Variants in RPS6KC1 observed in about 807,000 individuals in gnomAD.
RPS6KC1 encodes the protein ribosomal protein S6 kinase C1.
A neutral mutation model predicts 103.8 loss-of-function variants in RPS6KC1; 54 were observed. That is an observed-to-expected ratio of 0.52 (90% CI 0.42 to 0.65). RPS6KC1 has a LOEUF of 0.65. Ranked by LOEUF, RPS6KC1 falls within the 30% of genes least tolerant of loss-of-function variation. The pLI is 0.00. For synonymous variants in RPS6KC1, 439 were observed against 438.7 expected (o/e 1.00, Z -0.01); for missense variants, 1,151 against 1,253.8 (o/e 0.92, Z 1.24).
At chr1:213,328,761 C>T in the RPS6KC1 span, among the ~76,000 whole-genome samples, 8 of 151,890 alleles carry the variant, frequency 5.3e-5, no homozygotes, top group African/African-American at 1.5e-4. Flanking sequence ...TGCCTTATTA[C>T]AGACAGAGAA....
At chr1:213,380,276 C>T in the RPS6KC1 span, among the ~76,000 whole-genome samples, 1 of 151,984 alleles carries the variant, frequency 6.6e-6, no homozygotes, top group Non-Finnish European at 1.5e-5. Flanking sequence ...CTAAATGATG[C>T]GAACACATGG....
chr1:213,733,179 C>A, the RPS6KC1 span, among the ~76,000 whole-genome samples: 4 of 151,910 alleles, frequency 2.6e-5, no homozygotes, highest in Non-Finnish European at 4.4e-5. Flanking sequence ...GATGGCTGGA[C>A]CATATGGTAT....
chr1:213,153,048 G>T (rs1217297188), intron 6 of RPS6KC1, among the ~76,000 whole-genome samples: 68 of 148,974 alleles, frequency 4.6e-4, no homozygotes, highest in African/African-American at 6.9e-4. Context: ...GACCGGCCTG[G>T]CCAACACAGC....
the RPS6KC1 span, among the ~76,000 whole-genome samples, chr1:213,363,604 C>CGCTTGCTTGCTTGCTT: frequency 6.9e-4 from 59 of 85,142 alleles, 3 homozygotes; most frequent in Middle Eastern, 6.0e-3. Context: ...CTTGCTCGCT[C>CGCTTGCTTGCTTGCTT]GCTTGCTTGC....
At position 213,262,707 on chromosome 1, in the gene RPS6KC1, A is replaced by G. The variant is rs2149111002; in HGVS notation, c.2995-14A>G. 3 of 1,518,646 alleles carry G rather than the reference A, an allele frequency of 2.0e-6. No homozygotes were observed. Among genetic ancestry groups the G allele is most frequent in the East Asian group, 4.5e-5 (2 of 44,426 alleles). 94.1% of individuals were successfully genotyped at this position (1,518,646 alleles called of 1,614,324 possible). A position where few individuals can be genotyped will look rare whatever the true frequency, so the allele number is the denominator to read the frequency against. Reference sequence around the variant, plus strand: ...TTATTTGGGATAAGAAGTGTACCTGATTGATTGTTTCAGACTCTGGTTGAA... The same window carrying G: ...TTATTTGGGATAAGAAGTGTACCTGGTTGATTGTTTCAGACTCTGGTTGAA... On this transcript the variant is annotated splice_polypyrimidine_tract_variant and intron_variant, in intron 13 of 14. Coordinates refer to ENST00000366960, the MANE Select transcript of RPS6KC1 (RefSeq NM_012424.6).
At chr1:213,499,798 G>A in the RPS6KC1 span, among the ~76,000 whole-genome samples, 1 of 152,296 alleles carries the variant, frequency 6.6e-6, no homozygotes. Context: ...GCATGTTACT[G>A]TATTGAAAAG....
intron 3 of RPS6KC1, among the ~76,000 whole-genome samples, chr1:213,080,755 T>A (rs1215666621): frequency 6.6e-6 from 1 of 152,056 alleles, no homozygotes; most frequent in Non-Finnish European, 1.5e-5. Context: ...TGTAGCAACA[T>A]GTTTTCACCA....
At chr1:213,162,252 T>C (rs895391026) in intron 6 of RPS6KC1, among the ~76,000 whole-genome samples, 9 of 152,294 alleles carry the variant, frequency 5.9e-5, no homozygotes, top group African/African-American at 2.2e-4. Flanking sequence ...AAATAATTAT[T>C]TGGACAAGAG....
the RPS6KC1 span, among the ~76,000 whole-genome samples, chr1:213,687,464 T>G: frequency 6.6e-6 from 1 of 152,178 alleles, no homozygotes; most frequent in Non-Finnish European, 1.5e-5. Flanking sequence ...AACACCCCAC[T>G]TTTACCAGCA....
the RPS6KC1 span, among the ~76,000 whole-genome samples, chr1:213,803,560 C>T: frequency 2.0e-5 from 3 of 152,076 alleles, no homozygotes; most frequent in Admixed American, 6.6e-5. Flanking sequence ...AATGTAGTGG[C>T]TTTTATTCCA....
chr1:213,376,077 G>A, the RPS6KC1 span, among the ~76,000 whole-genome samples: 2 of 144,208 alleles, frequency 1.4e-5, no homozygotes, highest in Admixed American at 7.0e-5. Flanking sequence ...GGCTCTTCTC[G>A]TGACAACTGT....
chr1:213,088,827 CAG>C (rs746561833), intron 3 of RPS6KC1, among the ~76,000 whole-genome samples: 5 of 152,140 alleles, frequency 3.3e-5, no homozygotes, highest in Non-Finnish European at 7.3e-5. Flanking sequence ...CTACATGGAA[CAG>C]GGGTTTCTCC....
the RPS6KC1 span, among the ~76,000 whole-genome samples, chr1:213,792,980 T>C: frequency 2.0e-5 from 3 of 152,124 alleles, no homozygotes; most frequent in African/African-American, 7.2e-5. Context: ...TTGTCATTTG[T>C]TGATGAGAAA....
At chr1:213,745,594 C>G in the RPS6KC1 span, among the ~76,000 whole-genome samples, 1 of 151,982 alleles carries the variant, frequency 6.6e-6, no homozygotes, top group South Asian at 2.1e-4. Flanking sequence ...CTTGTCTGAG[C>G]GCCCAGCCCC....
intron 9 of RPS6KC1, among the ~76,000 whole-genome samples, 163 bp from the exon 10 acceptor site, chr1:213,231,960 G>A (rs1004255190): frequency 2.0e-5 from 3 of 152,174 alleles, no homozygotes; most frequent in Non-Finnish European, 2.9e-5. Context: ...CATCAGCAGA[G>A]CCTCCAGGGA....
At chr1:213,470,957 A>T in the RPS6KC1 span, among the ~76,000 whole-genome samples, 1 of 152,106 alleles carries the variant, frequency 6.6e-6, no homozygotes, top group Non-Finnish European at 1.5e-5. Flanking sequence ...ACGTCCCCTC[A>T]TCAACTATTG....
At chr1:213,291,352 C>T in the RPS6KC1 span, among the ~76,000 whole-genome samples, 1 of 152,216 alleles carries the variant, frequency 6.6e-6, no homozygotes, top group Non-Finnish European at 1.5e-5. Context: ...AATCTCTTCA[C>T]CTGCTGCCTC....
chr1:213,174,678 A>G (rs1406534998), intron 7 of RPS6KC1, among the ~76,000 whole-genome samples: 1 of 149,428 alleles, frequency 6.7e-6, no homozygotes, highest in Non-Finnish European at 1.5e-5. Context: ...CTCAAAAAAA[A>G]AAAAAAAAAA....
chr1:213,313,808 C>T, the RPS6KC1 span, among the ~76,000 whole-genome samples: 1 of 152,062 alleles, frequency 6.6e-6, no homozygotes, highest in East Asian at 1.9e-4. Context: ...AAAAAATTAG[C>T]CGGGTGTGGT....
Sources: allele counts gnomAD v4.1 joint callset (sites outside exome capture counted in the v4.1 genomes callset), GRCh38; gene constraint gnomAD v4.1.1; transcripts MANE v1.5; gene names NCBI Gene and HGNC (gene_info 2026-07-23, HGNC 2026-07-21).